FBXL2: variants seen among roughly 807,000 people sequenced by gnomAD.
The protein encoded by FBXL2 is F-box and leucine rich repeat protein 2.
FBXL2 carries 38 observed loss-of-function variants against 69.2 expected under a neutral mutation model. The ratio of observed to expected loss-of-function variants is 0.55; its 90% CI spans 0.42 to 0.72. The LOEUF is 0.72. Ranked by LOEUF, FBXL2 falls within the 30% of genes least tolerant of loss-of-function variation. FBXL2 has a pLI of 0.00. For missense variants in FBXL2, 354 were observed against 520.3 expected (o/e 0.68, Z 3.11); for synonymous variants, 192 against 201.3 (o/e 0.95, Z 0.39).
At chr3:33,317,258 C>CT (rs1267592816) in intron 2 of FBXL2, among the ~76,000 whole-genome samples, 2 of 152,170 alleles carry the variant, frequency 1.3e-5, no homozygotes, top group African/African-American at 4.8e-5. Flanking sequence ...ACCAGTTCCC[C>CT]TTCCCCGCCT....
At chr3:33,335,238 A>G (rs1369222075) in intron 2 of FBXL2, among the ~76,000 whole-genome samples, 2 of 152,128 alleles carry the variant, frequency 1.3e-5, no homozygotes. Context: ...GAGAGGATTC[A>G]TCACTAACAT....
At chr3:33,280,277 T>A (rs2033831379) in intron 1 of FBXL2, among the ~76,000 whole-genome samples, 1 of 152,266 alleles carries the variant, frequency 6.6e-6, no homozygotes, top group Non-Finnish European at 1.5e-5. Flanking sequence ...TGGCATCCGC[T>A]TTTTGTGTGA....
intron 2 of FBXL2, among the ~76,000 whole-genome samples, chr3:33,334,354 G>A (rs2039397609): frequency 6.6e-6 from 1 of 152,178 alleles, no homozygotes; most frequent in African/African-American, 2.4e-5. Context: ...ATTCATGGAA[G>A]TTCTAAAAGA....
At chr3:33,344,226 CAAAGT>C (rs551465450) in intron 2 of FBXL2, among the ~76,000 whole-genome samples, 422 of 151,816 alleles carry the variant, frequency 2.8e-3, no homozygotes, top group African/African-American at 9.4e-3. Context: ...AAATAAATAT[CAAAGT>C]AAACCACATT....
chr3:33,368,547 A>G lies in FBXL2; in HGVS notation c.290+3828A>G, dbSNP rs142339171. 6.9e-3 allele frequency among the ~76,000 whole-genome samples: 1,045 copies of G among 151,738 alleles called. 8 individuals are homozygous for G. The highest frequency in any genetic ancestry group is 0.014 in the Middle Eastern group (4 of 294). ...TATGTTTTTCCATCATTTTATTTTA[A>G]TCTATTTGTATCTATATTTAAAGTT... On this transcript the variant is annotated intron_variant, in intron 5 of 14. Coordinates refer to ENST00000484457, the MANE Select transcript of FBXL2 (RefSeq NM_012157.5).
At chr3:33,322,965 A>G (rs2038366145) in intron 2 of FBXL2, among the ~76,000 whole-genome samples, 1 of 152,162 alleles carries the variant, frequency 6.6e-6, no homozygotes, top group African/African-American at 2.4e-5. Context: ...CTTTAGCAAT[A>G]GGTGTCCCTA....
At chr3:33,338,997 G>A (rs954682344) in intron 2 of FBXL2, among the ~76,000 whole-genome samples, 2 of 152,088 alleles carry the variant, frequency 1.3e-5, no homozygotes. Flanking sequence ...ACACCCTACA[G>A]AATGGGAGAA....
At chr3:33,338,797 A>G (rs1351567881) in intron 2 of FBXL2, among the ~76,000 whole-genome samples, 2 of 152,192 alleles carry the variant, frequency 1.3e-5, no homozygotes, top group East Asian at 3.8e-4. Flanking sequence ...TAAAGACTTA[A>G]ATGTAAAACC....
intron 2 of FBXL2, among the ~76,000 whole-genome samples, chr3:33,347,540 G>A (rs1024068826): frequency 6.6e-5 from 10 of 152,142 alleles, no homozygotes; most frequent in African/African-American, 2.2e-4. Flanking sequence ...ATACCCAGCA[G>A]TGGAATTGCT....
chr3:33,393,056 A>G (rs955594277), downstream of FBXL2: 15 of 404,918 alleles, frequency 3.7e-5, no homozygotes, highest in Admixed American at 5.6e-4. Context: ...CACTATCCCT[A>G]GAGTGCCCCA....
intron 12 of FBXL2, chr3:33,398,054 T>G (rs183041186): frequency 3.3e-5 from 5 of 152,312 alleles, no homozygotes; most frequent in African/African-American, 1.2e-4. Context: ...CTGGTAGTTT[T>G]TGAAGGTAGG....
chr3:33,405,756 G>A (rs2154056808), downstream of FBXL2, among the ~76,000 whole-genome samples: 1 of 152,200 alleles, frequency 6.6e-6, no homozygotes, highest in Admixed American at 6.5e-5. Context: ...GCAAGACACT[G>A]TCTCTAAAAA....
intron 2 of FBXL2, among the ~76,000 whole-genome samples, chr3:33,357,564 C>T (rs1325544388): frequency 2.2e-5 from 3 of 138,188 alleles, no homozygotes; most frequent in South Asian, 4.9e-4. Context: ...CGGAGTCTCG[C>T]TGTCGCCCAG....
chr3:33,305,063 T>C (rs555357243), intron 2 of FBXL2, among the ~76,000 whole-genome samples: 1 of 152,032 alleles, frequency 6.6e-6, no homozygotes, highest in Admixed American at 6.6e-5. Context: ...ACAAATACTT[T>C]ATCCCATCTT....
chr3:33,336,106 A>G (rs2039557400), intron 2 of FBXL2, among the ~76,000 whole-genome samples: 1 of 152,230 alleles, frequency 6.6e-6, no homozygotes, highest in South Asian at 2.1e-4. Flanking sequence ...TCTAAATGTT[A>G]TATGGAAATA....
downstream of FBXL2, among the ~76,000 whole-genome samples, chr3:33,408,038 G>T (rs563188753): frequency 2.6e-4 from 39 of 152,252 alleles, no homozygotes; most frequent in African/African-American, 8.9e-4. Flanking sequence ...CCAGGTCTAG[G>T]TGTAGCAAGG....
chr3:33,365,708 T>G (rs1436059116), intron 5 of FBXL2, among the ~76,000 whole-genome samples: 1 of 149,612 alleles, frequency 6.7e-6, no homozygotes, highest in African/African-American at 2.5e-5. Context: ...GGCAGCAAAA[T>G]GAGACTCTTC....
At position 33,396,164 on chromosome 3, in the gene FBXL2, T is replaced by C. The variant is rs770784996; in HGVS notation, n.1215-7070T>C. ...ATTGAGATGCCCTCAATACCTACCA[T>C]AGGGTGCCCCACTGCCATTCTCGCT... On this transcript the variant is annotated intron_variant and non_coding_transcript_variant, in intron 12 of 12. Transcript: ENST00000463736. The C allele has an allele frequency of 2.0e-5, 32 of 1,573,386 alleles. No homozygotes were observed. Among genetic ancestry groups the C allele is most frequent in the Non-Finnish European group, 2.4e-5 (27 of 1,148,588 alleles).
chr3:33,299,289 G>T (rs2036047993), intron 2 of FBXL2, among the ~76,000 whole-genome samples: 1 of 152,018 alleles, frequency 6.6e-6, no homozygotes, highest in African/African-American at 2.4e-5. Context: ...TAATCCGCCC[G>T]CCTCGGCCTC....
Sources: gnomAD v4.1 joint callset for allele counts (sites outside exome capture counted in the v4.1 genomes callset) on GRCh38, gnomAD v4.1.1 for gene constraint, MANE v1.5 for transcripts, NCBI Gene and HGNC (gene_info 2026-07-23, HGNC 2026-07-21) for gene names.